Variants in ITGA2 observed in about 807,000 individuals in gnomAD.
ITGA2 encodes integrin alpha-2.
Under a neutral mutation model 146.3 loss-of-function variants are expected in ITGA2, and 101 were observed. The observed-to-expected ratio is 0.69, with a 90% CI of 0.59 to 0.81. ITGA2 has a LOEUF of 0.81. Among genes scored for constraint, ITGA2 ranks in the 40% least tolerant of loss-of-function variants. The probability of loss-of-function intolerance (pLI) is 0.00; values close to 1 mark genes in which losing one functional copy is unlikely to be tolerated. For missense variants in ITGA2, 1,281 were observed against 1,402.7 expected (o/e 0.91, Z 1.39); for synonymous variants, 477 against 487.1 (o/e 0.98, Z 0.27).
intron 16 of ITGA2, 33 bp from the exon 17 acceptor site, chr5:53,070,076 A>G (rs1561141499): frequency 3.8e-6 from 6 of 1,570,654 alleles, no homozygotes; most frequent in Middle Eastern, 3.4e-4. Context: ...GTTGATTTGA[A>G]ATAACATTTC....
Position 53,069,416 on chromosome 5 carries a change from G to A in ITGA2, c.2084-693G>A, listed in dbSNP as rs3212563. On this transcript the variant is annotated intron_variant, in intron 16 of 29. Transcript: ENST00000296585. The stretch of plus-strand genomic sequence containing the variant: ...ATTCAAACCAAGTCTGCCTGACTGA[G>A]ACTTTATTGCTGCAGTGTTGCATGC... Among the ~76,000 whole-genome samples, 369 of 151,968 alleles carry A rather than the reference G, an allele frequency of 2.4e-3. 3 individuals are homozygous for A. The highest frequency in any genetic ancestry group is 8.7e-3 in the African/African-American group (362 of 41,520).
At chr5:53,001,036 G>T (rs941150264) in intron 1 of ITGA2, among the ~76,000 whole-genome samples, 1 of 151,418 alleles carries the variant, frequency 6.6e-6, no homozygotes, top group East Asian at 1.9e-4. Context: ...TGAGTAGCTG[G>T]TAATACAGGT....
At chr5:53,078,241 G>A (rs992800714) in intron 23 of ITGA2, among the ~76,000 whole-genome samples, 1 of 152,064 alleles carries the variant, frequency 6.6e-6, no homozygotes, top group African/African-American at 2.4e-5. Flanking sequence ...ACCTCATTCA[G>A]ACCCAAACCA....
At chr5:53,001,733 C>T (rs1056494334) in intron 1 of ITGA2, among the ~76,000 whole-genome samples, 32 of 149,902 alleles carry the variant, frequency 2.1e-4, no homozygotes, top group East Asian at 3.9e-4. Context: ...CCAGCTACGC[C>T]GGAGGATGAG....
At chr5:53,077,001 G>T (rs1381345261) in intron 23 of ITGA2, among the ~76,000 whole-genome samples, 2 of 151,906 alleles carry the variant, frequency 1.3e-5, no homozygotes, top group African/African-American at 4.8e-5. Context: ...ATACAGGGTT[G>T]CTTATCTACC....
intron 1 of ITGA2, among the ~76,000 whole-genome samples, chr5:52,994,549 A>C (rs547328824): frequency 4.6e-5 from 7 of 152,334 alleles, no homozygotes; most frequent in African/African-American, 1.7e-4. Context: ...AAATATTGTC[A>C]AGTTTATATG....
Position 53,093,308 on chromosome 5 carries a change from A to G in ITGA2, c.*2709A>G, listed in dbSNP as rs1180232742. 6.6e-6 allele frequency: 1 copy of G among 152,164 alleles called. No individual in the cohort carries two copies. The highest frequency in any genetic ancestry group is 2.1e-4 in the South Asian group (1 of 4,826). The allele number at this position is 152,164 out of a possible 1,614,324, so 9.4% of individuals were successfully genotyped here. On this transcript the variant is annotated 3_prime_UTR_variant, in exon 30 of 30. Coordinates refer to ENST00000296585, the MANE Select transcript of ITGA2 (RefSeq NM_002203.4). ...GCCTTAGGTAATCAGCCTAGTTTAC[A>G]CTGTTTCCAGGGAGTAGTTGAATTA... is the stretch of plus-strand genomic sequence containing the variant.
At chr5:53,090,387 G>C in intron 29 of ITGA2, 132 bp from the exon 30 acceptor site, 1 of 772,904 alleles carries the variant, frequency 1.3e-6, no homozygotes. Flanking sequence ...CAGGTCATCA[G>C]TCTGCACACC....
chr5:53,076,014 G>A (rs900199191), intron 23 of ITGA2, among the ~76,000 whole-genome samples: 2 of 152,176 alleles, frequency 1.3e-5, no homozygotes, highest in African/African-American at 4.8e-5. Context: ...AGAGGGACAG[G>A]TGTCTTGGTA....
intron 11 of ITGA2, among the ~76,000 whole-genome samples, chr5:53,060,220 C>T (rs562414366): frequency 6.6e-6 from 1 of 152,066 alleles, no homozygotes; most frequent in Admixed American, 6.6e-5. Flanking sequence ...CTAGTTTCTT[C>T]TGGCTGGTCA....
At chr5:53,005,264 C>G (rs969193836) in intron 1 of ITGA2, among the ~76,000 whole-genome samples, 1 of 151,978 alleles carries the variant, frequency 6.6e-6, no homozygotes, top group Non-Finnish European at 1.5e-5. Context: ...TGTCATCCTC[C>G]TAACCATTAG....
intron 1 of ITGA2, among the ~76,000 whole-genome samples, chr5:53,002,889 T>C (rs1347718487): frequency 6.6e-6 from 1 of 152,204 alleles, no homozygotes; most frequent in Non-Finnish European, 1.5e-5. Context: ...CCATTCTTTT[T>C]ATTCATGAGG....
intron 12 of ITGA2, among the ~76,000 whole-genome samples, chr5:53,062,544 G>T (rs963468560): frequency 6.6e-6 from 1 of 151,740 alleles, no homozygotes; most frequent in Non-Finnish European, 1.5e-5. Flanking sequence ...TGGGTCTCAG[G>T]GATCTGTATT....
At chr5:53,020,457 G>A (rs1348707922) in intron 1 of ITGA2, among the ~76,000 whole-genome samples, 3 of 152,092 alleles carry the variant, frequency 2.0e-5, no homozygotes, top group Non-Finnish European at 2.9e-5. Context: ...CTTAGGACAT[G>A]CCTAGCAAAT....
intron 1 of ITGA2, among the ~76,000 whole-genome samples, chr5:52,989,839 CAG>C: frequency 6.6e-6 from 1 of 151,540 alleles, no homozygotes; most frequent in African/African-American, 2.4e-5. Flanking sequence ...CACACACAGA[CAG>C]ACACGCACGC....
rs1187559883 is a variant in ITGA2, at chr5:53,055,620, G to C, written c.862G>C (p.Asp288His). The stretch of plus-strand genomic sequence containing the variant: ...AGTTGTAACTGACGGTGAATCACAT[G>C]ATGGTTCAATGTTGAAAGCTGTGAT... The part of the protein sequence containing the change: ...MVVVTDGESH[D>H]GSMLKAVIDQ... Residue 288 changes from aspartate (D) to histidine (H), a missense_variant, in exon 8 of 30, where the codon GAT becomes CAT. Transcript: ENST00000296585. The C allele has an allele frequency of 1.2e-6, 2 of 1,613,214 alleles. No homozygotes were observed. Among genetic ancestry groups the C allele is most frequent in the Non-Finnish European group, 1.7e-6 (2 of 1,179,340 alleles).
At position 53,070,127 on chromosome 5, in the gene ITGA2, C is replaced by T; in HGVS notation, c.2102C>T (p.Thr701Ile). 1 of 1,610,692 alleles carries T rather than the reference C, an allele frequency of 6.2e-7. No homozygotes were observed. The highest frequency in any genetic ancestry group is 8.5e-7 in the Non-Finnish European group (1 of 1,177,636). Reference sequence around the variant, plus strand: ...ATCATAGCCATTGTATATAACATCACACTTGATGCAGATGGATTTTCATCC... The same window carrying T: ...ATCATAGCCATTGTATATAACATCATACTTGATGCAGATGGATTTTCATCC... ...NNQVAIVYNITLDADGFSSRV... is the reference protein window; with the variant it reads ...NNQVAIVYNIILDADGFSSRV... Residue 701 changes from threonine to isoleucine, a missense_variant, in exon 17 of 30, where the codon ACA becomes ATA. Physicochemically the swap from Thr to Ile is moderately conservative, Grantham distance 89. This residue lies in a region of ITGA2 where 795 missense variants were observed against 841.7 expected (regional missense o/e 0.94). Coordinates refer to ENST00000296585, the MANE Select transcript of ITGA2 (RefSeq NM_002203.4).
intron 2 of ITGA2, among the ~76,000 whole-genome samples, chr5:53,033,779 T>A (rs1001945904): frequency 6.6e-6 from 1 of 151,416 alleles, no homozygotes; most frequent in East Asian, 2.0e-4. Flanking sequence ...TTTTTTTTTT[T>A]TTGAGACGGA....
At chr5:53,049,680 C>T (rs1744261831) in intron 6 of ITGA2, among the ~76,000 whole-genome samples, 1 of 151,822 alleles carries the variant, frequency 6.6e-6, no homozygotes, top group Non-Finnish European at 1.5e-5. Context: ...TTTTAAAGTT[C>T]AGTTTCTGGT....
Sources: allele counts gnomAD v4.1 joint callset (sites outside exome capture counted in the v4.1 genomes callset), GRCh38; gene constraint gnomAD v4.1.1; regional missense constraint gnomAD v4.1.1; transcripts MANE v1.5; gene names NCBI Gene and HGNC (gene_info 2026-07-23, HGNC 2026-07-21).